The following SLC9A9 variants were observed in gnomAD, a reference collection of about 807,000 sequenced individuals.
SLC9A9 encodes solute carrier family 9 member A9, also known as sodium/hydrogen exchanger 9.
Under a neutral mutation model 77.8 loss-of-function variants are expected in SLC9A9, and 62 were observed. The observed-to-expected ratio is 0.80, with a 90% confidence interval of 0.65 to 0.98. The LOEUF (loss-of-function observed/expected upper bound fraction) is 0.98. SLC9A9 is among the 50% of genes least tolerant of loss of function. The pLI is 0.00. For synonymous variants in SLC9A9, 320 were observed against 283.5 expected (o/e 1.13, Z -1.29); for missense variants, 775 against 774.9 (o/e 1.00, Z 0.00).
chr3:143,684,868 C>A (rs1055126058), intron 5 of SLC9A9, among the ~76,000 whole-genome samples: 1 of 152,032 alleles, frequency 6.6e-6, no homozygotes, highest in Non-Finnish European at 1.5e-5. Flanking sequence ...GAAAGCAAAT[C>A]TCAGACATAT....
In SLC9A9 at chr3:143,405,031, T is replaced by G. The variant is rs1316934016; in HGVS notation, c.1470-22917A>C. On this transcript the variant is annotated intron_variant, in intron 12 of 15. Coordinates refer to ENST00000316549, the MANE Select transcript of SLC9A9 (RefSeq NM_173653.4). ...GGGAATGCTGTCAAAACAGCCCCAC[T>G]TTCATCCAGGCACTAGTAGCTCTCA... Among the ~76,000 whole-genome samples the G allele has an allele frequency of 2.0e-5, 3 of 152,204 alleles. No homozygotes were observed. The East Asian group carries it at 5.8e-4, about 29-fold the overall frequency.
At chr3:143,467,512 A>G (rs1234276893) in intron 11 of SLC9A9, among the ~76,000 whole-genome samples, 2 of 152,138 alleles carry the variant, frequency 1.3e-5, no homozygotes, top group African/African-American at 4.8e-5. Context: ...GGGAAGTTGA[A>G]GTGGGAAAAT....
intron 5 of SLC9A9, among the ~76,000 whole-genome samples, chr3:143,684,960 C>T (rs1445914645): frequency 6.6e-6 from 1 of 151,964 alleles, no homozygotes; most frequent in Non-Finnish European, 1.5e-5. Flanking sequence ...GTAATTAATA[C>T]TGTATTTGTA....
chr3:143,397,451 T>C (rs1053023985), intron 12 of SLC9A9, among the ~76,000 whole-genome samples: 6 of 152,236 alleles, frequency 3.9e-5, no homozygotes, highest in African/African-American at 1.2e-4. Context: ...GAGCTTTATA[T>C]GTTGGTATGA....
At chr3:143,267,889 G>C (rs961164013) in intron 15 of SLC9A9, among the ~76,000 whole-genome samples, 4 of 152,238 alleles carry the variant, frequency 2.6e-5, no homozygotes, top group African/African-American at 9.6e-5. Context: ...CCCTTGCCGG[G>C]GGATTTTTAG....
intron 12 of SLC9A9, among the ~76,000 whole-genome samples, chr3:143,401,817 G>C: frequency 6.6e-6 from 1 of 152,158 alleles, no homozygotes; most frequent in East Asian, 1.9e-4. Context: ...GAATGAAAGT[G>C]CTCCTGAACA....
intron 14 of SLC9A9, among the ~76,000 whole-genome samples, chr3:143,270,773 G>A (rs980513019): frequency 2.6e-5 from 4 of 152,112 alleles, no homozygotes; most frequent in African/African-American, 7.2e-5. Context: ...CCAAAATAAT[G>A]TTACAAAAGT....
At chr3:143,665,030 A>G (rs926523642) in intron 5 of SLC9A9, among the ~76,000 whole-genome samples, 3 of 152,362 alleles carry the variant, frequency 2.0e-5, no homozygotes, top group Non-Finnish European at 4.4e-5. Flanking sequence ...AACAGAATAT[A>G]CATTCTTCTC....
At chr3:143,604,877 C>T (rs1484414757) in intron 6 of SLC9A9, among the ~76,000 whole-genome samples, 2 of 152,120 alleles carry the variant, frequency 1.3e-5, no homozygotes, top group Non-Finnish European at 2.9e-5. Flanking sequence ...GAAACATGTC[C>T]AATTCTTATT....
At chr3:143,722,484 A>AAAAAC (rs1369706875) in intron 4 of SLC9A9, among the ~76,000 whole-genome samples, 1 of 150,620 alleles carries the variant, frequency 6.6e-6, no homozygotes, top group African/African-American at 2.4e-5. Flanking sequence ...AAAAAAAAAA[A>AAAAAC]AAAAAAAAAA....
At position 143,533,576 on chromosome 3, in the gene SLC9A9, A is replaced by G. The variant is rs1358950094; in HGVS notation, c.1089+18786T>C. Among the ~76,000 whole-genome samples the G allele has an allele frequency of 4.6e-5, 7 of 152,348 alleles. No homozygotes were observed. The South Asian group carries it at 1.2e-3, about 27-fold the overall frequency. ...CATGAGCATACCATATGTGAAACAC[A>G]GCAAAGCTGACCTTTGTTGTGTTAC... is the stretch of plus-strand genomic sequence containing the variant. On this transcript the variant is annotated intron_variant, in intron 9 of 15. Transcript: ENST00000316549.
intron 14 of SLC9A9, among the ~76,000 whole-genome samples, chr3:143,289,507 C>T (rs2108415645): frequency 6.6e-6 from 1 of 152,220 alleles, no homozygotes; most frequent in South Asian, 2.1e-4. Context: ...ATCTGTTTCT[C>T]CCTCTCATGC....
At chr3:143,372,188 G>A (rs1035630090) in intron 13 of SLC9A9, among the ~76,000 whole-genome samples, 3 of 151,992 alleles carry the variant, frequency 2.0e-5, no homozygotes, top group Non-Finnish European at 2.9e-5. Context: ...AATAACTACC[G>A]TTTTTCACAG....
intron 6 of SLC9A9, among the ~76,000 whole-genome samples, chr3:143,608,434 G>A (rs1238072776): frequency 6.6e-6 from 1 of 152,134 alleles, no homozygotes; most frequent in Non-Finnish European, 1.5e-5. Context: ...AACTTCTGAG[G>A]TTTAGTTTGC....
At chr3:143,435,413 C>A (rs1216201659) in intron 12 of SLC9A9, among the ~76,000 whole-genome samples, 1 of 152,144 alleles carries the variant, frequency 6.6e-6, no homozygotes, top group Non-Finnish European at 1.5e-5. Context: ...TCAAAGTAAA[C>A]AAGCTTTAAA....
At position 143,831,630 on chromosome 3, in the gene SLC9A9, G is replaced by A. The variant is rs148514486; in HGVS notation, c.378+389C>T. 1.6e-4 allele frequency among the ~76,000 whole-genome samples: 24 copies of A among 152,250 alleles called. 1 individual carries two copies. In the East Asian group the frequency reaches 4.6e-3, roughly 29 times the overall value. On this transcript the variant is annotated intron_variant, in intron 2 of 15. Coordinates refer to ENST00000316549, the MANE Select transcript of SLC9A9 (RefSeq NM_173653.4). ...TTTATTCTACTCCATTTTCCCTTTGGCTTAAGAAAGATTTGAACTGCACTT... is the reference window on the plus strand; with the variant it reads ...TTTATTCTACTCCATTTTCCCTTTGACTTAAGAAAGATTTGAACTGCACTT...
chr3:143,406,796 C>T (rs1368160594), intron 12 of SLC9A9, among the ~76,000 whole-genome samples: 1 of 151,650 alleles, frequency 6.6e-6, no homozygotes, highest in Non-Finnish European at 1.5e-5. Flanking sequence ...GCCAACATGG[C>T]AAAACCCTGT....
intron 8 of SLC9A9, among the ~76,000 whole-genome samples, chr3:143,553,037 G>A (rs2036919586): frequency 6.6e-6 from 1 of 152,136 alleles, no homozygotes; most frequent in Admixed American, 6.6e-5. Context: ...TGGAAAGGCT[G>A]GGTGCTCTGT....
intron 14 of SLC9A9, among the ~76,000 whole-genome samples, chr3:143,299,759 T>C (rs1218672272): frequency 6.6e-6 from 1 of 152,148 alleles, no homozygotes; most frequent in Non-Finnish European, 1.5e-5. Flanking sequence ...TTTTATTCCT[T>C]ACAAGTTTCC....
Sources: gnomAD v4.1 joint callset for allele counts (sites outside exome capture counted in the v4.1 genomes callset) on GRCh38, gnomAD v4.1.1 for gene constraint, MANE v1.5 for transcripts, NCBI Gene and HGNC (gene_info 2026-07-23, HGNC 2026-07-21) for gene names.